The following PRDM12 variants were observed in gnomAD, a reference collection of about 807,000 sequenced individuals.
PRDM12 encodes PR/SET domain 12, also known as PR domain zinc finger protein 12.
PRDM12 carries 17 observed loss-of-function variants against 29.6 expected under a neutral mutation model. The observed-to-expected ratio is 0.57, with a 90% CI of 0.39 to 0.86. The LOEUF is 0.86. Ranked by LOEUF, PRDM12 falls within the 40% of genes least tolerant of loss-of-function variation. The pLI, the probability that PRDM12 is intolerant of heterozygous loss-of-function variation, is 0.00. For synonymous variants in PRDM12, 231 were observed against 225.8 expected, an observed-to-expected ratio of 1.02 and a Z score of -0.21; for missense variants, 422 against 510.8, an observed-to-expected ratio of 0.83 and a Z score of 1.68.
intron 4 of PRDM12, among the ~76,000 whole-genome samples, chr9:130,680,006 ATT>A (rs1323663475): frequency 6.6e-5 from 10 of 152,080 alleles, no homozygotes; most frequent in African/African-American, 2.4e-4. Context: ...GCTACTGTTT[ATT>A]AAGTCCTTGC....
At position 130,668,257 on chromosome 9, in the gene PRDM12, G is replaced by A; in HGVS notation, c.514G>A (p.Glu172Lys). 2 of 1,614,194 alleles carry A rather than the reference G, an allele frequency of 1.2e-6. No homozygotes were observed. Among genetic ancestry groups the A allele is most frequent in the Non-Finnish European group, 1.7e-6 (2 of 1,180,032 alleles). ...TYIKCARNEQ[E>K]QNLEVVQIGT... ...CATCAAGTGTGCACGTAACGAACAGGAGCAGAACCTGGAGGTGGTCCAGAT... is the reference window on the plus strand; with the variant it reads ...CATCAAGTGTGCACGTAACGAACAGAAGCAGAACCTGGAGGTGGTCCAGAT... The change falls in exon 3 of 5, where the codon GAG (glutamate) becomes AAG (lysine). Residue 172 changes from glutamate to lysine, a missense_variant. By Grantham distance (56) the Glu-to-Lys change is moderately conservative (BLOSUM62 1). Coordinates refer to ENST00000253008, the MANE Select transcript of PRDM12 (RefSeq NM_021619.3). The surrounding 1 kb of genome is among the most constrained non-coding windows in gnomAD (Gnocchi z 4.0).
At chr9:130,673,662 A>ATTTT (rs35312514) in intron 3 of PRDM12, among the ~76,000 whole-genome samples, 2 of 86,294 alleles carry the variant, frequency 2.3e-5, no homozygotes. Flanking sequence ...CTCACGGCTA[A>ATTTT]TTTTTTTTTT....
chr9:130,673,392 C>T (rs922767487), intron 3 of PRDM12, among the ~76,000 whole-genome samples: 1 of 152,182 alleles, frequency 6.6e-6, no homozygotes, highest in Non-Finnish European at 1.5e-5. Flanking sequence ...GAAGCCTGGG[C>T]ACGGGGCACA....
At chr9:130,680,634 A>ATATAT (rs1554753095) in intron 4 of PRDM12, among the ~76,000 whole-genome samples, 25 of 88,476 alleles carry the variant, frequency 2.8e-4, no homozygotes, top group Admixed American at 9.0e-4. Flanking sequence ...AAAAAAAAAA[A>ATATAT]ATATATATAT....
chr9:130,669,648 T>C (rs1042146240), intron 3 of PRDM12, among the ~76,000 whole-genome samples: 2 of 150,408 alleles, frequency 1.3e-5, no homozygotes, highest in East Asian at 4.0e-4. Context: ...ACCCCGTCTC[T>C]ACTAAAAAAT....
At chr9:130,679,203 T>A (rs1238137236) in intron 4 of PRDM12, among the ~76,000 whole-genome samples, 2 of 152,172 alleles carry the variant, frequency 1.3e-5, no homozygotes, top group East Asian at 3.8e-4. Context: ...ACACTGCCCA[T>A]CACAGCAGAG....
At position 130,681,391 on chromosome 9, in the gene PRDM12, T is replaced by C; in HGVS notation, c.826T>C (p.Cys276Arg). Residue 276 changes from cysteine to arginine, a missense_variant, in exon 5 of 5, where the codon TGC becomes CGC. Transcript: ENST00000253008. The surrounding 1 kb of genome is among the most constrained non-coding windows in gnomAD (Gnocchi z 8.1). Reference protein sequence around the residue: ...TLDKPFVCRFCNRRFSQSSTL... With the variant: ...TLDKPFVCRFRNRRFSQSSTL... The stretch of plus-strand genomic sequence containing the variant: ...GGACAAGCCCTTCGTGTGCCGCTTC[T>C]GCAACCGCCGCTTCAGCCAGTCGTC... The C allele has an allele frequency of 6.3e-7, 1 of 1,593,812 alleles. No individual in the cohort carries two copies.
rs1830717136 is a variant in PRDM12, at chr9:130,664,891, C to T, written c.223+15C>T. On this transcript the variant is annotated intron_variant, in intron 1 of 4. Coordinates refer to ENST00000253008, the MANE Select transcript of PRDM12 (RefSeq NM_021619.3). This position sits in a 1 kb window ranked among gnomAD's most constrained non-coding sequence, Gnocchi z 6.4. ...CTTCTCCGGCGGTGAGTCCAGCCGT[C>T]GGAGCCCGGCGCAATCCCTCCTCCC... 2.6e-6 allele frequency: 4 copies of T among 1,514,112 alleles called. No individual in the cohort carries two copies. Among genetic ancestry groups the T allele is most frequent in the Non-Finnish European group, 3.5e-6 (4 of 1,126,932 alleles). 93.8% of individuals were successfully genotyped at this position (1,514,112 alleles called of 1,614,324 possible).
chr9:130,680,659 A>ATATATATATATTTTTTT, intron 4 of PRDM12, among the ~76,000 whole-genome samples: 33 of 72,154 alleles, frequency 4.6e-4, no homozygotes, highest in African/African-American at 1.3e-3. Context: ...ATATATATAT[A>ATATATATATATTTTTTT]TTTTTTTTTT....
At chr9:130,680,634 A>ATATATATATATATATATAT (rs1554753095) in intron 4 of PRDM12, among the ~76,000 whole-genome samples, 4 of 88,478 alleles carry the variant, frequency 4.5e-5, no homozygotes, top group Non-Finnish European at 5.8e-5. Flanking sequence ...AAAAAAAAAA[A>ATATATATATATATATATAT]ATATATATAT....
In PRDM12 at chr9:130,668,413, G is replaced by C. The variant is rs1830755710; in HGVS notation, c.570+100G>C. The C allele has an allele frequency of 1.9e-6, 3 of 1,558,172 alleles. No homozygotes were observed. The highest frequency in any genetic ancestry group is 8.7e-7 in the Non-Finnish European group (1 of 1,144,062). ...GTGTCCAGGAACCACAGTGGACAGAGGGGAGCTGACACTGGCCTCGCTGGC... is the reference window on the plus strand; with the variant it reads ...GTGTCCAGGAACCACAGTGGACAGACGGGAGCTGACACTGGCCTCGCTGGC... On this transcript the variant is annotated intron_variant, in intron 3 of 4. Coordinates refer to ENST00000253008, the MANE Select transcript of PRDM12 (RefSeq NM_021619.3). This position sits in a 1 kb window ranked among gnomAD's most constrained non-coding sequence, Gnocchi z 4.0.
Position 130,666,882 on chromosome 9 carries a change from G to GCTTCCAC in PRDM12, c.414+86_414+92dup, listed in dbSNP as rs1225109033. 7.4e-6 allele frequency: 11 copies of GCTTCCAC among 1,482,868 alleles called. No homozygotes were observed. The African/African-American group carries it at 1.0e-4, about 14-fold the overall frequency. The allele number at this position is 1,482,868 out of a possible 1,614,324, so 91.9% of individuals were successfully genotyped here. ...AGGACTCGGGCGTCCGGCCGTCGCC[G>GCTTCCAC]CTTCCACCCGGGCTGAGAGCGGCGG... is the stretch of plus-strand genomic sequence containing the variant. On this transcript the variant is annotated intron_variant, in intron 2 of 4. Coordinates refer to ENST00000253008, the MANE Select transcript of PRDM12 (RefSeq NM_021619.3).
At position 130,664,928 on chromosome 9, in the gene PRDM12, T is replaced by C. The variant is rs957744737; in HGVS notation, c.223+52T>C. ...CAATCCCTCCTCCCGGCGACCCCCATTCCCGTCCTGGCGATGCGCGAGACG... is the reference window on the plus strand; with the variant it reads ...CAATCCCTCCTCCCGGCGACCCCCACTCCCGTCCTGGCGATGCGCGAGACG... On this transcript the variant is annotated intron_variant, in intron 1 of 4. Transcript: ENST00000253008. The surrounding 1 kb of genome is among the most constrained non-coding windows in gnomAD (Gnocchi z 6.4). The C allele has an allele frequency of 7.6e-6, 11 of 1,447,690 alleles. No homozygotes were observed. Among genetic ancestry groups the C allele is most frequent in the South Asian group, 1.3e-5 (1 of 76,494 alleles). The allele number at this position is 1,447,690 out of a possible 1,614,324, so 89.7% of individuals were successfully genotyped here.
At chr9:130,672,354 C>A (rs561852393) in intron 3 of PRDM12, among the ~76,000 whole-genome samples, 42 of 152,210 alleles carry the variant, frequency 2.8e-4, no homozygotes, top group Non-Finnish European at 5.4e-4. Flanking sequence ...TGCCACCACG[C>A]CTGGCTAATT....
intron 3 of PRDM12, among the ~76,000 whole-genome samples, chr9:130,674,879 CTTATT>C (rs1830826979): frequency 1.3e-5 from 2 of 152,154 alleles, no homozygotes; most frequent in South Asian, 4.1e-4. Flanking sequence ...CATCAGAGTT[CTTATT>C]TTATTTATTT....
chr9:130,667,362 C>T (rs1201458122), intron 2 of PRDM12, among the ~76,000 whole-genome samples: 2 of 152,212 alleles, frequency 1.3e-5, no homozygotes, highest in Admixed American at 1.3e-4. Context: ...TCCCTTTTCA[C>T]GGAGGCTCCA....
chr9:130,680,660 T>TATATATA (rs1554753125), intron 4 of PRDM12, among the ~76,000 whole-genome samples: 11 of 49,394 alleles, frequency 2.2e-4, no homozygotes, highest in African/African-American at 7.3e-4. Flanking sequence ...TATATATATA[T>TATATATA]TTTTTTTTTT....
At chr9:130,677,439 C>G (rs1375435184) in intron 3 of PRDM12, among the ~76,000 whole-genome samples, 1 of 152,212 alleles carries the variant, frequency 6.6e-6, no homozygotes, top group Non-Finnish European at 1.5e-5. Flanking sequence ...TAGATGGAAT[C>G]CCATGCGATC....
chr9:130,667,383 A>T (rs1247462409), intron 2 of PRDM12, among the ~76,000 whole-genome samples: 1 of 152,164 alleles, frequency 6.6e-6, no homozygotes, highest in Non-Finnish European at 1.5e-5. Flanking sequence ...AGAGGCTTCC[A>T]TCCTAGGCCT....
Sources: gnomAD v4.1 joint callset for allele counts (sites outside exome capture counted in the v4.1 genomes callset) on GRCh38, gnomAD v4.1.1 for gene constraint, Gnocchi (gnomAD v3.1) non-coding constraint, MANE v1.5 for transcripts, NCBI Gene and HGNC (gene_info 2026-07-23, HGNC 2026-07-21) for gene names.